Variants in CREBBP observed in about 807,000 individuals in gnomAD.
The protein encoded by CREBBP is CREB binding lysine acetyltransferase, also known as CREB-binding protein.
CREBBP carries 19 observed loss-of-function variants against 265.0 expected under a neutral mutation model. The ratio of observed to expected loss-of-function variants is 0.07; its 90% CI spans 0.05 to 0.11. CREBBP has a LOEUF of 0.11. Ranked by LOEUF, CREBBP falls within the 10% of genes least tolerant of loss-of-function variation. The pLI, the probability that CREBBP is intolerant of heterozygous loss-of-function variation, is 1.00. For missense variants in CREBBP, 2,525 were observed against 3,219.0 expected (o/e 0.78, Z 5.22); for synonymous variants, 1,457 against 1,223.7 (o/e 1.19, Z -3.98).
chr16:3,809,984 C>A (rs2053904699), intron 3 of CREBBP, among the ~76,000 whole-genome samples: 1 of 151,944 alleles, frequency 6.6e-6, no homozygotes, highest in South Asian at 2.1e-4. Context: ...CACTACCCCT[C>A]AGTGTTTTGA....
At chr16:3,846,777 C>A (rs1443050529) in intron 2 of CREBBP, among the ~76,000 whole-genome samples, 1 of 152,150 alleles carries the variant, frequency 6.6e-6, no homozygotes, top group Admixed American at 6.5e-5. Flanking sequence ...TACCCACACC[C>A]CTCTCTCTAC....
Position 3,770,775 on chromosome 16 carries a change from A to C in CREBBP, c.2675T>G (p.Val892Gly), listed in dbSNP as rs1435857625. Reference protein sequence around the residue: ...PAAPTQPSTPVSSSGQTPTPT... With the variant: ...PAAPTQPSTPGSSSGQTPTPT... ...GGTGGGAGTCTGCCCGGAAGACGAC[A>C]CAGGAGTTGATGGCTGAGTGGGAGC... Residue 892 changes from valine (V) to glycine (G), a missense_variant, in exon 14 of 31, where the codon GTG (valine) becomes GGG (glycine). Val to Gly is a moderately radical substitution (Grantham distance 109). Around this residue, in one of 19 missense-constraint regions of CREBBP, gnomAD observed 548 missense variants for 533.0 expected, o/e 1.03. Transcript: ENST00000262367. The C allele has an allele frequency of 1.2e-6, 2 of 1,614,120 alleles. No homozygotes were observed. The highest frequency in any genetic ancestry group is 2.2e-5 in the South Asian group (2 of 91,076).
intron 2 of CREBBP, among the ~76,000 whole-genome samples, chr16:3,843,466 G>C (rs1169154929): frequency 1.4e-5 from 2 of 141,704 alleles, no homozygotes; most frequent in Non-Finnish European, 3.0e-5. Context: ...CTGTTGGTAT[G>C]CTTGATTGTA....
Position 3,850,784 on chromosome 16 carries a change from T to C in CREBBP, c.311A>G (p.Gln104Arg), listed in dbSNP as rs1356986971. Residue 104 changes from glutamine (Q) to arginine (R), a missense_variant, in exon 2 of 31, where the codon CAA becomes CGA. By Grantham distance (43) the Gln-to-Arg change is conservative (BLOSUM62 1). Coordinates refer to ENST00000262367, the MANE Select transcript of CREBBP (RefSeq NM_004380.3). ...CATGTTAGCACTGTTCGGCTGCCCTTGAGCCTGGCCACCCAGGCCCTGCTG... is the reference window on the plus strand; with the variant it reads ...CATGTTAGCACTGTTCGGCTGCCCTCGAGCCTGGCCACCCAGGCCCTGCTG... ...PVQQGLGGQA[Q>R]GQPNSANMAS... 3.7e-6 allele frequency: 6 copies of C among 1,614,130 alleles called. No homozygotes were observed. The highest frequency in any genetic ancestry group is 5.1e-6 in the Non-Finnish European group (6 of 1,180,034).
intron 2 of CREBBP, among the ~76,000 whole-genome samples, chr16:3,831,580 C>G (rs1329227441): frequency 6.6e-6 from 1 of 152,056 alleles, no homozygotes; most frequent in Non-Finnish European, 1.5e-5. Context: ...CAAGAAAAGG[C>G]TGACAACAAC....
At chr16:3,849,443 GTGTGTGTGT>G (rs1567360527) in intron 2 of CREBBP, among the ~76,000 whole-genome samples, 218 of 20,048 alleles carry the variant, frequency 0.011, 11 homozygotes, top group South Asian at 0.029. Flanking sequence ...GTGTGTGTGT[GTGTGTGTGT>G]GTGTGTGTGT....
intron 1 of CREBBP, among the ~76,000 whole-genome samples, chr16:3,855,904 G>C (rs181626790): frequency 3.9e-4 from 60 of 152,202 alleles, no homozygotes; most frequent in African/African-American, 1.4e-3. Context: ...TCCAGGCTTT[G>C]TCCACCTGCA....
At chr16:3,846,723 G>A (rs1457028321) in intron 2 of CREBBP, among the ~76,000 whole-genome samples, 2 of 152,092 alleles carry the variant, frequency 1.3e-5, no homozygotes, top group Non-Finnish European at 2.9e-5. Flanking sequence ...ACAAGAAAAC[G>A]CTGTGTAATG....
chr16:3,794,835 T>C (rs1370301394), intron 3 of CREBBP, among the ~76,000 whole-genome samples: 1 of 152,228 alleles, frequency 6.6e-6, no homozygotes, highest in Non-Finnish European at 1.5e-5. Flanking sequence ...AACAGTATCA[T>C]CCACAGTTCC....
intron 16 of CREBBP, among the ~76,000 whole-genome samples, chr16:3,764,089 C>T (rs1472670876): frequency 6.6e-6 from 1 of 151,798 alleles, no homozygotes; most frequent in Non-Finnish European, 1.5e-5. Context: ...GCTGTACAGT[C>T]ACAAGAAAAA....
chr16:3,832,636 G>C (rs1162404190), intron 2 of CREBBP, among the ~76,000 whole-genome samples: 1 of 152,188 alleles, frequency 6.6e-6, no homozygotes, highest in Non-Finnish European at 1.5e-5. Flanking sequence ...AAAATTGTAA[G>C]TATTTGTGTA....
intron 2 of CREBBP, among the ~76,000 whole-genome samples, chr16:3,826,837 A>T (rs1166681932): frequency 6.6e-6 from 1 of 152,218 alleles, no homozygotes; most frequent in Non-Finnish European, 1.5e-5. Flanking sequence ...TAAAGTATGG[A>T]CTTCAGTTAA....
intron 23 of CREBBP, chr16:3,740,818 C>T: frequency 2.1e-6 from 1 of 487,674 alleles, no homozygotes; most frequent in Non-Finnish European, 3.8e-6. Flanking sequence ...GGCAGAAGAC[C>T]TATAGCGGTG....
At chr16:3,815,530 C>CAAAAAAA (rs1031380875) in intron 2 of CREBBP, among the ~76,000 whole-genome samples, 3 of 51,958 alleles carry the variant, frequency 5.8e-5, no homozygotes, top group South Asian at 7.0e-4. Flanking sequence ...GACTCCATCT[C>CAAAAAAA]AAAAAAAAAA....
At chr16:3,840,152 T>C (rs2054538914) in intron 2 of CREBBP, among the ~76,000 whole-genome samples, 1 of 152,254 alleles carries the variant, frequency 6.6e-6, no homozygotes, top group African/African-American at 2.4e-5. Context: ...TAAGATATGC[T>C]TAATATAAAA....
At chr16:3,879,232 GCGCACACACA>G (rs1457484318) in intron 1 of CREBBP, among the ~76,000 whole-genome samples, 2 of 19,230 alleles carry the variant, frequency 1.0e-4, no homozygotes, top group South Asian at 4.9e-3. Flanking sequence ...ACACACACGC[GCGCACACACA>G]CACACACACA....
chr16:3,746,713 G>A (rs2052351098), intron 21 of CREBBP, among the ~76,000 whole-genome samples: 1 of 152,160 alleles, frequency 6.6e-6, no homozygotes, highest in Middle Eastern at 3.2e-3. Context: ...TGGAGAGGCT[G>A]GGGTGGAAGG....
chr16:3,736,220 C>T lies in CREBBP; in HGVS notation c.4561-17G>A. The T allele has an allele frequency of 1.9e-6, 3 of 1,613,768 alleles. No individual in the cohort carries two copies. Among genetic ancestry groups the T allele is most frequent in the Non-Finnish European group, 2.5e-6 (3 of 1,179,612 alleles). On this transcript the variant is annotated splice_polypyrimidine_tract_variant and intron_variant, in intron 27 of 30. Transcript: ENST00000262367. ...GAAAATATCCTGAGTGGGCAAAGCACAACAGTGAGATGAGGGCCATGCACG... is the reference window on the plus strand; with the variant it reads ...GAAAATATCCTGAGTGGGCAAAGCATAACAGTGAGATGAGGGCCATGCACG...
intron 3 of CREBBP, among the ~76,000 whole-genome samples, chr16:3,806,774 C>G (rs2053839038): frequency 6.6e-6 from 1 of 152,082 alleles, no homozygotes. Flanking sequence ...CTCCAAGGCC[C>G]CCTGAAATGG....
Sources: allele counts gnomAD v4.1 joint callset (sites outside exome capture counted in the v4.1 genomes callset), GRCh38; gene constraint gnomAD v4.1.1; regional missense constraint gnomAD v4.1.1; transcripts MANE v1.5; gene names NCBI Gene and HGNC (gene_info 2026-07-23, HGNC 2026-07-21).